Variants in UIMC1 observed in about 807,000 individuals in gnomAD.
UIMC1 encodes the protein ubiquitin interaction motif containing 1.
UIMC1 carries 42 observed loss-of-function variants against 84.9 expected under a neutral mutation model. That is an observed-to-expected ratio of 0.49 (90% confidence interval 0.39 to 0.64). The LOEUF (loss-of-function observed/expected upper bound fraction) is 0.64, where lower values mean the gene tolerates loss of function less well. Among genes scored for constraint, UIMC1 ranks in the 30% least tolerant of loss-of-function variants. The pLI is 0.00. For synonymous variants in UIMC1, 281 were observed against 293.0 expected, an observed-to-expected ratio of 0.96 and a Z score of 0.42; for missense variants, 825 against 847.6, an observed-to-expected ratio of 0.97 and a Z score of 0.33.
chr5:176,927,977 G>A (rs1034189158), intron 10 of UIMC1, among the ~76,000 whole-genome samples: 8 of 151,264 alleles, frequency 5.3e-5, no homozygotes, highest in South Asian at 4.2e-4. Flanking sequence ...TCAGCCTCCC[G>A]AGTAGCTGGG....
At chr5:176,915,367 G>T (rs751874914) in intron 10 of UIMC1, among the ~76,000 whole-genome samples, 1 of 151,248 alleles carries the variant, frequency 6.6e-6, no homozygotes, top group Non-Finnish European at 1.5e-5. Flanking sequence ...GTTTTATGAG[G>T]ACCTATTTTG....
intron 1 of UIMC1, among the ~76,000 whole-genome samples, chr5:177,016,754 G>A (rs1030295168): frequency 2.6e-5 from 4 of 151,452 alleles, no homozygotes; most frequent in Admixed American, 6.6e-5. Flanking sequence ...CGGGCGCGGC[G>A]GCTCATGCCT....
Position 176,975,387 on chromosome 5 carries a change from A to G in UIMC1, c.232+9T>C. On this transcript the variant is annotated intron_variant, in intron 3 of 14. Transcript: ENST00000511320. ...TTCCCAAACCATTATCAACAAAATG[A>G]AAACATACGTGCGATTTTTCTTTTG... is the stretch of plus-strand genomic sequence containing the variant. 1 of 1,613,616 alleles carries G rather than the reference A, an allele frequency of 6.2e-7. No individual in the cohort carries two copies. The highest frequency in any genetic ancestry group is 1.7e-5 in the Admixed American group (1 of 59,974).
intron 2 of UIMC1, among the ~76,000 whole-genome samples, chr5:176,979,705 A>G (rs1398852468): frequency 6.6e-6 from 1 of 150,982 alleles, no homozygotes; most frequent in East Asian, 1.9e-4. Flanking sequence ...ATTAATTTTT[A>G]AAACCATGCA....
At chr5:176,948,793 C>A (rs1282290303) in intron 9 of UIMC1, among the ~76,000 whole-genome samples, 1 of 152,290 alleles carries the variant, frequency 6.6e-6, no homozygotes, top group South Asian at 2.1e-4. Context: ...TTGCAATGCT[C>A]GAGCTCCTTG....
intron 10 of UIMC1, among the ~76,000 whole-genome samples, chr5:176,923,553 CAA>C (rs140083057): frequency 7.5e-5 from 9 of 120,324 alleles, no homozygotes; most frequent in Admixed American, 2.6e-4. Context: ...GTATCAAAAG[CAA>C]AAAAAAAAAA....
chr5:176,939,829 G>A (rs1451405801), intron 10 of UIMC1, among the ~76,000 whole-genome samples: 1 of 152,182 alleles, frequency 6.6e-6, no homozygotes, highest in Non-Finnish European at 1.5e-5. Context: ...GGATATAGCA[G>A]ACATCTTCAC....
intron 10 of UIMC1, among the ~76,000 whole-genome samples, chr5:176,925,971 AAACAT>A (rs1401561364): frequency 6.6e-6 from 1 of 152,206 alleles, no homozygotes; most frequent in African/African-American, 2.4e-5. Context: ...AAAGCATCAA[AAACAT>A]AACATGGATT....
At chr5:177,014,057 C>CTTTTTTTT (rs34686520) in intron 1 of UIMC1, among the ~76,000 whole-genome samples, 2 of 122,126 alleles carry the variant, frequency 1.6e-5, no homozygotes, top group Non-Finnish European at 1.8e-5. Flanking sequence ...TTTTTCTTTT[C>CTTTTTTTT]TTTTTTTTTT....
At position 176,975,520 on chromosome 5, in the gene UIMC1, TA is replaced by T. The variant is rs765975708; in HGVS notation, c.148-41del. 2.5e-4 allele frequency: 395 copies of T among 1,604,080 alleles called. 1 individual carries two copies. The highest frequency in any genetic ancestry group is 1.3e-3 in the South Asian group (121 of 90,608). ...GAAATATCATCAGTGTGGCTGCCAC[TA>T]AAAGTAGTGATTTCTCTCTCTTCTA... On this transcript the variant is annotated intron_variant, in intron 2 of 14. Coordinates refer to ENST00000511320, the MANE Select transcript of UIMC1 (RefSeq NM_001199298.2).
At position 176,929,933 on chromosome 5, in the gene UIMC1, G is replaced by C. The variant is rs1452200527; in HGVS notation, c.1597+13402C>G. On this transcript the variant is annotated intron_variant, in intron 10 of 14. Coordinates refer to ENST00000511320, the MANE Select transcript of UIMC1 (RefSeq NM_001199298.2). ...ATATTGTCATCAGAACCTAAATAAA[G>C]ATAATAGTAAGTAAGTTTCATATGG... is the stretch of plus-strand genomic sequence containing the variant. Among the ~76,000 whole-genome samples the C allele has an allele frequency of 3.9e-5, 6 of 152,250 alleles. No homozygotes were observed. The East Asian group carries it at 1.2e-3, about 29-fold the overall frequency.
chr5:176,915,793 C>CAAAAAAAAAAAAA (rs58297107), intron 10 of UIMC1, among the ~76,000 whole-genome samples: 38 of 42,570 alleles, frequency 8.9e-4, no homozygotes, highest in Middle Eastern at 0.015. Context: ...GGTCACAAAG[C>CAAAAAAAAAAAAA]AAAAAAAAAA....
intron 7 of UIMC1, among the ~76,000 whole-genome samples, chr5:176,957,687 T>C (rs1766771981): frequency 6.6e-6 from 1 of 152,010 alleles, no homozygotes; most frequent in Admixed American, 6.6e-5. Flanking sequence ...ACAGATAAAA[T>C]AAGCATAAGC....
Position 176,905,178 on chromosome 5 carries a change from C to A in UIMC1, c.*104G>T. The A allele has an allele frequency of 8.0e-7, 1 of 1,255,172 alleles. No individual in the cohort carries two copies. Among genetic ancestry groups the A allele is most frequent in the Non-Finnish European group, 1.1e-6 (1 of 907,256 alleles). 77.8% of individuals were successfully genotyped at this position (1,255,172 alleles called of 1,614,324 possible). On this transcript the variant is annotated 3_prime_UTR_variant, in exon 15 of 15. Transcript: ENST00000511320. ...GGGTAGGTGCTGGTGGTGAAAACTG[C>A]AGGGCTAAAACTTGCTCAACAATGA...
chr5:176,968,514 G>A (rs769339327), intron 6 of UIMC1, 41 bp downstream of exon 6: 1 of 1,539,950 alleles, frequency 6.5e-7, no homozygotes, highest in Non-Finnish European at 8.7e-7. Flanking sequence ...GTTTTAATCT[G>A]TGAATAAATC....
intron 1 of UIMC1, among the ~76,000 whole-genome samples, chr5:176,988,970 C>T (rs925577113): frequency 3.9e-5 from 6 of 152,050 alleles, no homozygotes; most frequent in South Asian, 2.1e-4. Flanking sequence ...GGTAAGCCAC[C>T]GTGCCCAGCC....
chr5:176,949,593 G>C (rs1765584122), intron 9 of UIMC1, among the ~76,000 whole-genome samples: 1 of 152,166 alleles, frequency 6.6e-6, no homozygotes, highest in African/African-American at 2.4e-5. Flanking sequence ...CTGCAGCAGG[G>C]AGTGTCATCA....
intron 10 of UIMC1, among the ~76,000 whole-genome samples, chr5:176,916,689 T>G (rs1761019933): frequency 6.6e-6 from 1 of 152,218 alleles, no homozygotes; most frequent in Admixed American, 6.5e-5. Context: ...TATATAATTT[T>G]CATTATTCTT....
At chr5:177,020,554 C>A (rs578228227) in intron 1 of UIMC1, among the ~76,000 whole-genome samples, 6 of 152,214 alleles carry the variant, frequency 3.9e-5, no homozygotes, top group African/African-American at 7.2e-5. Context: ...CCTCAGCCTC[C>A]CGAGTAGCTG....
Sources: gnomAD v4.1 joint callset for allele counts (sites outside exome capture counted in the v4.1 genomes callset) on GRCh38, gnomAD v4.1.1 for gene constraint, MANE v1.5 for transcripts, NCBI Gene and HGNC (gene_info 2026-07-23, HGNC 2026-07-21) for gene names.